Variants in RBPJ observed in about 807,000 individuals in gnomAD.
RBPJ encodes recombination signal binding protein for immunoglobulin kappa J region.
Under a neutral mutation model 67.8 loss-of-function variants are expected in RBPJ, and 9 were observed. The observed-to-expected ratio is 0.13, with a 90% CI of 0.08 to 0.23. The LOEUF is 0.23. RBPJ is among the 10% of genes least tolerant of loss of function. The pLI is 1.00. For synonymous variants in RBPJ, 198 were observed against 203.3 expected (o/e 0.97, Z 0.22); for missense variants, 305 against 595.6 (o/e 0.51, Z 5.08).
At chr4:26,265,598 A>T (rs1298666945) in intron 1 of RBPJ, among the ~76,000 whole-genome samples, 1 of 152,094 alleles carries the variant, frequency 6.6e-6, no homozygotes, top group African/African-American at 2.4e-5. Context: ...TCTGGTAGTT[A>T]ATCATTCCCG....
At chr4:26,119,274 CCT>C in the RBPJ span, among the ~76,000 whole-genome samples, 2 of 152,136 alleles carry the variant, frequency 1.3e-5, no homozygotes. Flanking sequence ...ACAATAAAAA[CCT>C]CTGTCTTCCA....
At chr4:26,195,893 C>T (rs1438456948) in intron 1 of RBPJ, among the ~76,000 whole-genome samples, 1 of 152,146 alleles carries the variant, frequency 6.6e-6, no homozygotes, top group Non-Finnish European at 1.5e-5. Flanking sequence ...CGCACCTGGC[C>T]GTGTGTTTTG....
intron 1 of RBPJ, among the ~76,000 whole-genome samples, chr4:26,341,902 C>T (rs575443528): frequency 1.3e-5 from 2 of 152,238 alleles, no homozygotes; most frequent in South Asian, 4.1e-4. Context: ...AAAATTGAGA[C>T]AAGAGAGAAG....
upstream of RBPJ, chr4:26,320,886 C>A: frequency 6.3e-7 from 1 of 1,576,962 alleles, no homozygotes. Flanking sequence ...TGGCTCTTCG[C>A]GGCGGCGGCG....
At chr4:26,152,665 G>A in the RBPJ span, among the ~76,000 whole-genome samples, 714 of 152,334 alleles carry the variant, frequency 4.7e-3, 3 homozygotes, top group Middle Eastern at 0.01. Flanking sequence ...CTTGTAAGGA[G>A]CAGATCCAGG....
intron 1 of RBPJ, among the ~76,000 whole-genome samples, chr4:26,343,650 C>T (rs541374131): frequency 9.4e-5 from 14 of 149,396 alleles, no homozygotes; most frequent in South Asian, 2.1e-4. Flanking sequence ...TGGGTTCAAA[C>T]GATTCTTGTG....
chr4:26,310,904 A>T (rs1470284428), intron 1 of RBPJ, among the ~76,000 whole-genome samples: 1 of 152,092 alleles, frequency 6.6e-6, no homozygotes, highest in Non-Finnish European at 1.5e-5. Flanking sequence ...TCCTGACCTC[A>T]CGTGATCCGC....
At position 26,358,909 on chromosome 4, in the gene RBPJ, A is replaced by C. The variant is rs562850379; in HGVS notation, c.21-27444A>C. 1.2e-3 allele frequency among the ~76,000 whole-genome samples: 179 copies of C among 152,316 alleles called. 1 individual carries two copies. The highest frequency in any genetic ancestry group is 4.2e-3 in the African/African-American group (173 of 41,566). ...TTGTTCTAAGTGCCTTACATGTATT[A>C]AGTCTTTTCCCCCTTCCACTGTTTT... On this transcript the variant is annotated intron_variant, in intron 1 of 10. Transcript: ENST00000355476.
chr4:26,243,631 C>A (rs1719722801), intron 1 of RBPJ, among the ~76,000 whole-genome samples: 1 of 152,130 alleles, frequency 6.6e-6, no homozygotes, highest in Non-Finnish European at 1.5e-5. Flanking sequence ...AAATATTCAT[C>A]CAAAGTGCAA....
chr4:26,127,239 T>A, the RBPJ span, among the ~76,000 whole-genome samples: 1 of 152,368 alleles, frequency 6.6e-6, no homozygotes, highest in South Asian at 2.1e-4. Context: ...CATCACAGCA[T>A]CTGCTACATC....
chr4:26,184,675 A>G (rs1239681812), intron 1 of RBPJ, among the ~76,000 whole-genome samples: 2 of 152,064 alleles, frequency 1.3e-5, no homozygotes, highest in Non-Finnish European at 2.9e-5. Flanking sequence ...AATCCTCATA[A>G]CAGATTGGAG....
At chr4:26,114,171 T>C in the RBPJ span, among the ~76,000 whole-genome samples, 1 of 152,084 alleles carries the variant, frequency 6.6e-6, no homozygotes, top group Non-Finnish European at 1.5e-5. Context: ...ATTAAACATG[T>C]ATGTGGGCCT....
intron 1 of RBPJ, among the ~76,000 whole-genome samples, chr4:26,208,175 A>G (rs1718237151): frequency 6.6e-6 from 1 of 152,236 alleles, no homozygotes; most frequent in South Asian, 2.1e-4. Context: ...AATGCTCTAT[A>G]TGAAGTAATC....
chr4:26,138,110 C>T, the RBPJ span, among the ~76,000 whole-genome samples: 1 of 152,010 alleles, frequency 6.6e-6, no homozygotes, highest in African/African-American at 2.4e-5. Flanking sequence ...CAGGAGACCA[C>T]TGTGTGAGGC....
chr4:26,428,611 G>A (rs1428912663), intron 7 of RBPJ, 109 bp from the exon 8 acceptor site: 11 of 758,350 alleles, frequency 1.5e-5, no homozygotes, highest in Non-Finnish European at 2.0e-5. Flanking sequence ...ACAAATAACT[G>A]TGATGTATTA....
intron 1 of RBPJ, among the ~76,000 whole-genome samples, chr4:26,173,900 G>A (rs771173941): frequency 3.9e-5 from 6 of 152,162 alleles, no homozygotes; most frequent in Non-Finnish European, 7.3e-5. Flanking sequence ...AAGAGACAAC[G>A]TGATAAGCGC....
At chr4:26,357,082 G>T (rs1727463100) in intron 1 of RBPJ, among the ~76,000 whole-genome samples, 1 of 152,186 alleles carries the variant, frequency 6.6e-6, no homozygotes, top group Non-Finnish European at 1.5e-5. Flanking sequence ...GCCCAAAAGG[G>T]TAGGTTAGAT....
At chr4:26,364,447 T>G (rs1477897106) in intron 1 of RBPJ, among the ~76,000 whole-genome samples, 1 of 152,204 alleles carries the variant, frequency 6.6e-6, no homozygotes, top group Non-Finnish European at 1.5e-5. Context: ...GTTCAATGTG[T>G]TGTTTACAAA....
At chr4:26,239,245 G>A (rs1370334649) in intron 1 of RBPJ, among the ~76,000 whole-genome samples, 1 of 152,136 alleles carries the variant, frequency 6.6e-6, no homozygotes, top group Non-Finnish European at 1.5e-5. Context: ...CCAGCCAAGT[G>A]CTTTTCATAT....
Sources: gnomAD v4.1 joint callset for allele counts (sites outside exome capture counted in the v4.1 genomes callset) on GRCh38, gnomAD v4.1.1 for gene constraint, MANE v1.5 for transcripts, NCBI Gene and HGNC (gene_info 2026-07-23, HGNC 2026-07-21) for gene names.